The following SORCS1 variants were observed in gnomAD, a reference collection of about 807,000 sequenced individuals.
SORCS1 encodes the protein sortilin related VPS10 domain containing receptor 1.
SORCS1 carries 60 observed loss-of-function variants against 146.1 expected under a neutral mutation model. The ratio of observed to expected loss-of-function variants is 0.41; its 90% confidence interval spans 0.33 to 0.51. The LOEUF is 0.51. SORCS1 is among the 20% of genes least tolerant of loss of function. The pLI is 0.21. For synonymous variants in SORCS1, 637 were observed against 584.0 expected (o/e 1.09, Z -1.31); for missense variants, 1,352 against 1,487.6 (o/e 0.91, Z 1.50).
the SORCS1 span, among the ~76,000 whole-genome samples, chr10:107,176,342 T>C: frequency 4.0e-5 from 6 of 149,074 alleles, no homozygotes; most frequent in South Asian, 6.4e-4. Context: ...TCTTTTTTTC[T>C]TTTTTTTTTG....
At chr10:106,968,167 G>A (rs962241521) in intron 1 of SORCS1, among the ~76,000 whole-genome samples, 1 of 152,068 alleles carries the variant, frequency 6.6e-6, no homozygotes, top group Non-Finnish European at 1.5e-5. Context: ...CCGAGATCGC[G>A]CCACTGCACT....
intron 1 of SORCS1, among the ~76,000 whole-genome samples, chr10:107,133,764 G>C (rs822322): frequency 0.55 from 83,294 of 151,996 alleles, 23,048 homozygotes; most frequent in Middle Eastern, 0.59. Context: ...CTAACATTCA[G>C]AACTTTAGAA....
At chr10:107,132,954 C>T (rs1966976539) in intron 1 of SORCS1, among the ~76,000 whole-genome samples, 1 of 152,152 alleles carries the variant, frequency 6.6e-6, no homozygotes, top group Non-Finnish European at 1.5e-5. Flanking sequence ...TTGGAAGAGT[C>T]AGAGCAATTT....
intron 21 of SORCS1, among the ~76,000 whole-genome samples, chr10:106,617,908 T>C (rs529155144): frequency 1.3e-5 from 2 of 152,354 alleles, no homozygotes; most frequent in South Asian, 2.1e-4. Context: ...CTTTACACTA[T>C]GAGTGAGTGA....
chr10:107,017,656 T>C (rs1198776935), intron 1 of SORCS1, among the ~76,000 whole-genome samples: 1 of 152,188 alleles, frequency 6.6e-6, no homozygotes, highest in African/African-American at 2.4e-5. Context: ...TTAAATTTTT[T>C]ATTTCTATAT....
chr10:106,810,094 G>A (rs1026760009), intron 3 of SORCS1, among the ~76,000 whole-genome samples: 2 of 152,112 alleles, frequency 1.3e-5, no homozygotes, highest in Admixed American at 6.5e-5. Context: ...CGTGGCACGC[G>A]CCTGTAGTCC....
chr10:107,077,562 A>G (rs971891813), intron 1 of SORCS1, among the ~76,000 whole-genome samples: 34 of 151,018 alleles, frequency 2.3e-4, no homozygotes, highest in African/African-American at 7.1e-4. Context: ...TTTATTTAAG[A>G]TTTGTTATAT....
chr10:106,675,238 G>C lies in SORCS1; in HGVS notation c.1833-82C>G, dbSNP rs145904435. ...TCAAAGGAAAGATACTCTCAACCCA[G>C]AGATAATACATTTTAAAAGTAGCTG... On this transcript the variant is annotated intron_variant, in intron 13 of 25. Coordinates refer to ENST00000263054, the MANE Select transcript of SORCS1 (RefSeq NM_052918.5). 268 of 969,146 alleles carry C rather than the reference G, an allele frequency of 2.8e-4. 1 individual carries two copies. In the African/African-American group the frequency reaches 4.2e-3, roughly 15 times the overall value. 60.0% of individuals were successfully genotyped at this position (969,146 alleles called of 1,614,324 possible).
At chr10:107,052,326 A>C (rs1057390240) in intron 1 of SORCS1, among the ~76,000 whole-genome samples, 2 of 152,158 alleles carry the variant, frequency 1.3e-5, no homozygotes, top group Non-Finnish European at 2.9e-5. Flanking sequence ...GATATGTCTA[A>C]TCAAGTTGCA....
chr10:106,801,461 G>A (rs1946868809), intron 3 of SORCS1, among the ~76,000 whole-genome samples: 3 of 151,406 alleles, frequency 2.0e-5, no homozygotes. Context: ...CATTTTAAGG[G>A]ATTTGCATAT....
intron 1 of SORCS1, among the ~76,000 whole-genome samples, chr10:106,973,766 G>A (rs1238268879): frequency 1.3e-5 from 2 of 152,168 alleles, no homozygotes; most frequent in African/African-American, 2.4e-5. Context: ...GCACATAAAA[G>A]TGAAGAATTA....
intron 2 of SORCS1, among the ~76,000 whole-genome samples, chr10:106,935,301 A>G (rs1953655176): frequency 1.3e-5 from 2 of 152,178 alleles, no homozygotes; most frequent in African/African-American, 4.8e-5. Flanking sequence ...TCAAATTATT[A>G]TTATCCCTAA....
intron 1 of SORCS1, among the ~76,000 whole-genome samples, chr10:107,050,786 G>A (rs1960030934): frequency 6.6e-6 from 1 of 152,068 alleles, no homozygotes; most frequent in Non-Finnish European, 1.5e-5. Flanking sequence ...TATATATATG[G>A]TTTTGCAGGC....
At chr10:107,127,137 T>C (rs1266021974) in intron 1 of SORCS1, among the ~76,000 whole-genome samples, 1 of 152,112 alleles carries the variant, frequency 6.6e-6, no homozygotes, top group Non-Finnish European at 1.5e-5. Context: ...AAAATGCTCA[T>C]GTTACATTGG....
At chr10:106,730,262 C>T (rs1006029766) in intron 5 of SORCS1, 148 bp from the exon 6 acceptor site, 3 of 649,180 alleles carry the variant, frequency 4.6e-6, no homozygotes, top group Middle Eastern at 2.5e-4. Flanking sequence ...TGTATTTATA[C>T]AGCCTGACAG....
chr10:107,049,300 A>G (rs1420163547), intron 1 of SORCS1, among the ~76,000 whole-genome samples: 1 of 146,674 alleles, frequency 6.8e-6, no homozygotes, highest in African/African-American at 2.5e-5. Flanking sequence ...GGATAGCATT[A>G]GGAGATATAC....
At chr10:106,611,048 C>T (rs1049118572) in intron 22 of SORCS1, among the ~76,000 whole-genome samples, 5 of 151,920 alleles carry the variant, frequency 3.3e-5, no homozygotes, top group African/African-American at 1.2e-4. Context: ...TCACTGCACT[C>T]CAGCCTGGGT....
the SORCS1 span, among the ~76,000 whole-genome samples, chr10:107,171,253 TA>T: frequency 6.6e-6 from 1 of 151,968 alleles, no homozygotes; most frequent in African/African-American, 2.4e-5. Flanking sequence ...CCAGCAGATA[TA>T]AAAAGAAGAG....
chr10:106,816,191 C>A (rs533601644), intron 3 of SORCS1, among the ~76,000 whole-genome samples: 1 of 152,250 alleles, frequency 6.6e-6, no homozygotes, highest in Admixed American at 6.5e-5. Flanking sequence ...AATTATAAAC[C>A]TTTCAATACC....
Sources: gnomAD v4.1 joint callset for allele counts (sites outside exome capture counted in the v4.1 genomes callset) on GRCh38, gnomAD v4.1.1 for gene constraint, MANE v1.5 for transcripts, NCBI Gene and HGNC (gene_info 2026-07-23, HGNC 2026-07-21) for gene names.